Variants in LOC400499 observed in about 807,000 individuals in gnomAD.
At chr16:11,380,368 T>C in the LOC400499 span, among the ~76,000 whole-genome samples, 2 of 152,000 alleles carry the variant, frequency 1.3e-5, no homozygotes, top group Admixed American at 6.6e-5. Context: ...GATCACGAAG[T>C]CAGGAGTTCG....
At chr16:11,431,353 T>G in the LOC400499 span, 1 of 397,938 alleles carries the variant, frequency 2.5e-6, no homozygotes, top group South Asian at 1.4e-4. Flanking sequence ...TCTCTGGGCA[T>G]CAGTTTCTCC....
the LOC400499 span, among the ~76,000 whole-genome samples, chr16:11,410,229 G>A: frequency 5.9e-5 from 9 of 152,296 alleles, no homozygotes; most frequent in Admixed American, 4.6e-4. Flanking sequence ...CGAGGTGGGT[G>A]GATCATTTAA....
At chr16:11,456,302 C>G in the LOC400499 span, among the ~76,000 whole-genome samples, 11 of 152,198 alleles carry the variant, frequency 7.2e-5, no homozygotes, top group Non-Finnish European at 1.3e-4. Flanking sequence ...CCACACCCAG[C>G]CTCCTAAAGT....
At chr16:11,386,098 G>C in the LOC400499 span, among the ~76,000 whole-genome samples, 1 of 152,186 alleles carries the variant, frequency 6.6e-6, no homozygotes, top group Admixed American at 6.5e-5. Context: ...GGCGGGGATG[G>C]GGGGAAACAT....
the LOC400499 span, among the ~76,000 whole-genome samples, chr16:11,415,266 C>T: frequency 3.9e-5 from 6 of 152,282 alleles, no homozygotes; most frequent in South Asian, 2.1e-4. Context: ...AGAAACTCAT[C>T]GGGTCCAGGA....
chr16:11,444,286 T>C, the LOC400499 span, among the ~76,000 whole-genome samples: 4 of 152,158 alleles, frequency 2.6e-5, no homozygotes, highest in Non-Finnish European at 5.9e-5. Context: ...TGGTCTCAGC[T>C]ACTTAGGAGG....
At chr16:11,424,037 G>A in the LOC400499 span, 7 of 399,038 alleles carry the variant, frequency 1.8e-5, no homozygotes, top group East Asian at 3.6e-5. Context: ...CTGGGCAGAA[G>A]CAAAGCTGTT....
the LOC400499 span, among the ~76,000 whole-genome samples, chr16:11,379,936 C>A: frequency 6.6e-6 from 1 of 152,098 alleles, no homozygotes; most frequent in Admixed American, 6.6e-5. Context: ...GCTCTGTCCC[C>A]CTCCTATGTT....
chr16:11,454,824 A>G, the LOC400499 span, among the ~76,000 whole-genome samples: 1 of 152,218 alleles, frequency 6.6e-6, no homozygotes, highest in African/African-American at 2.4e-5. Context: ...ATAAACCAAG[A>G]GATATGACAC....
chr16:11,484,838 C>A, the LOC400499 span: 5 of 398,756 alleles, frequency 1.3e-5, no homozygotes, highest in African/African-American at 6.2e-5. Flanking sequence ...GCGGGGTGGG[C>A]CTGCCTGGGG....
At chr16:11,522,168 T>C in the LOC400499 span, 1,196 of 398,798 alleles carry the variant, frequency 3.0e-3, 10 homozygotes, top group African/African-American at 0.02. Context: ...CCCTCTGGGA[T>C]CCCAACTCCA....
At chr16:11,399,394 GC>G in the LOC400499 span, 2 of 567,492 alleles carry the variant, frequency 3.5e-6, no homozygotes, top group Non-Finnish European at 5.3e-6. Flanking sequence ...GGACCACGTG[GC>G]CCCAGAGCTG....
the LOC400499 span, among the ~76,000 whole-genome samples, chr16:11,429,147 T>C: frequency 6.6e-6 from 1 of 151,968 alleles, no homozygotes; most frequent in Admixed American, 6.6e-5. Flanking sequence ...GCGTCAGGGG[T>C]GGGGCCTGGT....
At chr16:11,526,023 A>G in the LOC400499 span, among the ~76,000 whole-genome samples, 3 of 152,204 alleles carry the variant, frequency 2.0e-5, no homozygotes, top group Non-Finnish European at 2.9e-5. Flanking sequence ...TCAGCTGTCA[A>G]TTCTGATCAG....
the LOC400499 span, chr16:11,391,906 G>C: frequency 2.8e-6 from 3 of 1,060,766 alleles, no homozygotes; most frequent in Admixed American, 4.3e-5. Context: ...GTCCAGGGCA[G>C]AGAGAGCCCC....
At chr16:11,483,708 T>TA in the LOC400499 span, among the ~76,000 whole-genome samples, 43,843 of 145,056 alleles carry the variant, frequency 0.3, 7,299 homozygotes, top group African/African-American at 0.41. Flanking sequence ...TGTACAACTT[T>TA]TAAAAAAAAA....
At chr16:11,498,305 A>C in the LOC400499 span, among the ~76,000 whole-genome samples, 6 of 152,100 alleles carry the variant, frequency 3.9e-5, no homozygotes, top group Admixed American at 2.0e-4. Flanking sequence ...ACATGGTGAA[A>C]TCCCATTTCT....
chr16:11,443,534 T>G, the LOC400499 span: 6 of 327,018 alleles, frequency 1.8e-5, no homozygotes, highest in Non-Finnish European at 2.9e-5. Flanking sequence ...TTGCACACAG[T>G]AGATGCTCCA....
chr16:11,430,323 T>G, the LOC400499 span, among the ~76,000 whole-genome samples: 1 of 151,842 alleles, frequency 6.6e-6, no homozygotes, highest in African/African-American at 2.4e-5. Flanking sequence ...CCGTCTCTAT[T>G]AAAAATACAA....
Sources: allele counts gnomAD v4.1 joint callset (sites outside exome capture counted in the v4.1 genomes callset), GRCh38; gene constraint gnomAD v4.1.1; transcripts MANE v1.5.